SUZ12: variants seen among roughly 807,000 people sequenced by gnomAD.
The protein encoded by SUZ12 is SUZ12 polycomb repressive complex 2 subunit, also known as polycomb protein SUZ12.
In SUZ12, 17 loss-of-function variants were observed where a neutral mutation model predicts 87.3. The ratio of observed to expected loss-of-function variants is 0.19; its 90% CI spans 0.13 to 0.29. SUZ12 has a LOEUF of 0.29. Ranked by LOEUF, SUZ12 falls within the 10% of genes least tolerant of loss-of-function variation. SUZ12 has a pLI of 1.00. For missense variants in SUZ12, 526 were observed against 912.2 expected, an observed-to-expected ratio of 0.58 and a Z score of 5.45; for synonymous variants, 253 against 312.4, an observed-to-expected ratio of 0.81 and a Z score of 2.01.
At chr17:31,989,465 G>A (rs1909590383) in intron 10 of SUZ12, among the ~76,000 whole-genome samples, 1 of 152,182 alleles carries the variant, frequency 6.6e-6, no homozygotes, top group Non-Finnish European at 1.5e-5. Context: ...CTCATGGTAA[G>A]TTAGAGCAAG....
intron 4 of SUZ12, among the ~76,000 whole-genome samples, chr17:31,951,369 G>C (rs891301798): frequency 6.6e-6 from 1 of 152,048 alleles, no homozygotes; most frequent in Non-Finnish European, 1.5e-5. Flanking sequence ...AAAAGAAGTT[G>C]GTGTTTCACG....
intron 4 of SUZ12, among the ~76,000 whole-genome samples, chr17:31,949,528 C>CTT (rs1002577897): frequency 6.7e-6 from 1 of 149,786 alleles, no homozygotes; most frequent in Admixed American, 6.8e-5. Flanking sequence ...TAATCTATTT[C>CTT]TTTTTTTTTG....
chr17:31,953,711 ATTTTTTT>A (rs756892113), intron 4 of SUZ12, among the ~76,000 whole-genome samples: 2 of 131,760 alleles, frequency 1.5e-5, no homozygotes, highest in African/African-American at 2.9e-5. Context: ...CCCAGCCTCA[ATTTTTTT>A]TTTTTTTTTT....
intron 9 of SUZ12, among the ~76,000 whole-genome samples, chr17:31,985,763 A>G (rs1171162277): frequency 2.6e-5 from 4 of 151,962 alleles, no homozygotes; most frequent in Non-Finnish European, 5.9e-5. Context: ...CCCGGGTTCA[A>G]GCGATTCTCC....
chr17:31,995,861 TTA>T, intron 14 of SUZ12, 99 bp downstream of exon 14: 13 of 856,968 alleles, frequency 1.5e-5, no homozygotes, highest in East Asian at 5.4e-5. Context: ...GGAACTTTTT[TTA>T]AAAAAAAAAA....
At chr17:31,972,957 A>G (rs1248826793) in intron 5 of SUZ12, among the ~76,000 whole-genome samples, 189 bp from the exon 6 acceptor site, 1 of 150,840 alleles carries the variant, frequency 6.6e-6, no homozygotes, top group African/African-American at 2.4e-5. Context: ...GTTTATTTAC[A>G]CTATATATAA....
chr17:31,988,128 A>G (rs508192), intron 9 of SUZ12, among the ~76,000 whole-genome samples, 192 bp from the exon 10 acceptor site: 16,252 of 152,186 alleles, frequency 0.11, 1,063 homozygotes, highest in Middle Eastern at 0.15. Context: ...TGTGCTCTCC[A>G]GTTCAAGTTC....
intron 8 of SUZ12, among the ~76,000 whole-genome samples, chr17:31,977,831 G>A (rs576500545): frequency 1.3e-5 from 2 of 151,924 alleles, no homozygotes; most frequent in Non-Finnish European, 1.5e-5. Flanking sequence ...AGAGGTTGCA[G>A]TGAGCCGAGA....
intron 6 of SUZ12, among the ~76,000 whole-genome samples, chr17:31,974,449 C>T (rs1598172532): frequency 6.6e-6 from 1 of 152,268 alleles, no homozygotes; most frequent in South Asian, 2.1e-4. Flanking sequence ...ATGGTATGAA[C>T]CCGGGAGGCG....
intron 8 of SUZ12, among the ~76,000 whole-genome samples, chr17:31,982,630 G>C (rs573928963): frequency 4.6e-5 from 7 of 152,122 alleles, no homozygotes; most frequent in African/African-American, 1.4e-4. Flanking sequence ...CTGCCCTCCA[G>C]CCTGGGTTGC....
At chr17:31,992,007 C>A (rs1909744850) in intron 10 of SUZ12, among the ~76,000 whole-genome samples, 1 of 151,954 alleles carries the variant, frequency 6.6e-6, no homozygotes. Flanking sequence ...AAACCACACT[C>A]TGGGCTGGGC....
rs1910115538 is a variant in SUZ12 at position 31,998,831 on chromosome 17, A to T, written c.2048A>T (p.Glu683Val). The T allele has an allele frequency of 1.2e-6, 2 of 1,613,476 alleles. No homozygotes were observed. The highest frequency in any genetic ancestry group is 1.7e-6 in the Non-Finnish European group (2 of 1,179,874). ...GATAAAGCTGTTACCAAGCTCCGTG[A>T]AATGCAGCAAAAATTAGAAAAGGGG... ...SIDKAVTKLREMQQKLEKGES... is the reference protein window; with the variant it reads ...SIDKAVTKLRVMQQKLEKGES... Residue 683 changes from glutamate (E) to valine (V), a missense_variant, in exon 16 of 16, where the codon GAA (glutamate) becomes GTA (valine). Physicochemically the swap from Glu to Val is moderately radical, Grantham distance 121 (BLOSUM62 -2). Around this residue, in one of 9 missense-constraint regions of SUZ12, gnomAD observed 143 missense variants for 321.6 expected, o/e 0.44. Transcript: ENST00000322652.
At chr17:31,962,007 A>G (rs1197356702) in intron 4 of SUZ12, among the ~76,000 whole-genome samples, 5 of 152,228 alleles carry the variant, frequency 3.3e-5, no homozygotes, top group Non-Finnish European at 5.9e-5. Flanking sequence ...AAAGATGTAT[A>G]TGGAAAAATA....
chr17:31,937,264 C>T lies in SUZ12; in HGVS notation c.18C>T (p.His6=), dbSNP rs760726816. The T allele has an allele frequency of 1.4e-5, 20 of 1,394,476 alleles. No homozygotes were observed. The South Asian group carries it at 2.4e-4, about 17-fold the overall frequency. The allele number at this position is 1,394,476 out of a possible 1,614,324, so 86.4% of individuals were successfully genotyped here. The change falls in exon 1 of 16, where the codon CAC becomes CAT. Residue 6 remains histidine (H), a synonymous_variant. Transcript: ENST00000322652. Reference sequence around the variant, plus strand: ...GAACCGCGATGGCGCCTCAGAAGCACGGCGGTGGGGGAGGGGGCGGCTCGG... The same window carrying T: ...GAACCGCGATGGCGCCTCAGAAGCATGGCGGTGGGGGAGGGGGCGGCTCGG... MAPQK[H]GGGGGGGSGP...
intron 9 of SUZ12, among the ~76,000 whole-genome samples, chr17:31,987,358 A>G (rs1048531822): frequency 6.6e-6 from 1 of 152,346 alleles, no homozygotes; most frequent in Non-Finnish European, 1.5e-5. Flanking sequence ...AAGTGTAAGG[A>G]TAAGAATGCA....
At chr17:31,962,557 T>C (rs111801071) in intron 4 of SUZ12, among the ~76,000 whole-genome samples, 15,663 of 147,560 alleles carry the variant, frequency 0.11, no homozygotes, top group South Asian at 0.2. Context: ...TGCCACTGTA[T>C]ACCAGTCTGG....
chr17:31,962,039 A>T (rs1349286124), intron 4 of SUZ12, among the ~76,000 whole-genome samples: 1 of 152,244 alleles, frequency 6.6e-6, no homozygotes, highest in Non-Finnish European at 1.5e-5. Flanking sequence ...GTGGTAAATA[A>T]GAGTGCTTGT....
At chr17:31,962,748 GA>G (rs1284612331) in intron 4 of SUZ12, among the ~76,000 whole-genome samples, 1 of 152,224 alleles carries the variant, frequency 6.6e-6, no homozygotes, top group Non-Finnish European at 1.5e-5. Context: ...GGCTTTCGTA[GA>G]ACAGGAAATG....
At chr17:31,977,389 C>T (rs910813668) in intron 8 of SUZ12, among the ~76,000 whole-genome samples, 1 of 151,902 alleles carries the variant, frequency 6.6e-6, no homozygotes, top group Non-Finnish European at 1.5e-5. Context: ...GAGCAAGTCT[C>T]CTGCTTCAGC....
Sources: gnomAD v4.1 joint callset for allele counts (sites outside exome capture counted in the v4.1 genomes callset) on GRCh38, gnomAD v4.1.1 for gene constraint, gnomAD v4.1.1 regional missense constraint, MANE v1.5 for transcripts, NCBI Gene and HGNC (gene_info 2026-07-23, HGNC 2026-07-21) for gene names.